The following AHRR variants were observed in gnomAD, a reference collection of about 807,000 sequenced individuals.
AHRR encodes ahR repressor.
A neutral mutation model predicts 44.0 loss-of-function variants in AHRR; 28 were observed. The observed-to-expected ratio is 0.64, with a 90% CI of 0.47 to 0.87. The LOEUF (loss-of-function observed/expected upper bound fraction) is 0.87. AHRR is among the 40% of genes least tolerant of loss of function. The pLI is 0.00. For synonymous variants in AHRR, 434 were observed against 407.0 expected (o/e 1.07, Z -0.80); for missense variants, 990 against 953.9 (o/e 1.04, Z -0.50).
chr5:423,009 TCCTCCCATGTC>T, intron 6 of AHRR, 151 bp downstream of exon 6: 2 of 1,084,830 alleles, frequency 1.8e-6, no homozygotes, highest in Non-Finnish European at 2.6e-6. Flanking sequence ...TTCAGAGGCC[TCCTCCCATGTC>T]CCTCCCTGTC....
chr5:422,397 G>A (rs1413709527), intron 5 of AHRR: 2 of 376,330 alleles, frequency 5.3e-6, no homozygotes, highest in Non-Finnish European at 1.0e-5. Context: ...GTCACAAAGA[G>A]TCCAAGTCGA....
intron 1 of AHRR, among the ~76,000 whole-genome samples, chr5:343,209 C>T (rs1483950868): frequency 1.3e-5 from 2 of 151,748 alleles, no homozygotes; most frequent in Admixed American, 6.6e-5. Flanking sequence ...TGAGTACCCT[C>T]TCAGAGGTGA....
At chr5:421,787 C>G (rs1455725731) in intron 5 of AHRR, among the ~76,000 whole-genome samples, 3 of 152,202 alleles carry the variant, frequency 2.0e-5, no homozygotes, top group African/African-American at 7.2e-5. Flanking sequence ...TCGGGGAGCC[C>G]CGCAGGTCCT....
intron 5 of AHRR, among the ~76,000 whole-genome samples, chr5:422,000 G>A (rs757609329): frequency 2.6e-5 from 4 of 152,178 alleles, no homozygotes; most frequent in Non-Finnish European, 5.9e-5. Flanking sequence ...TTAATTATTC[G>A]GGGCTGGCGG....
At chr5:347,209 T>C (rs1488818337) in intron 2 of AHRR, among the ~76,000 whole-genome samples, 1 of 152,260 alleles carries the variant, frequency 6.6e-6, no homozygotes, top group Non-Finnish European at 1.5e-5. Context: ...CGCCTTTTGC[T>C]CATTTTTCTA....
chr5:362,382 C>T (rs954552496), intron 3 of AHRR, among the ~76,000 whole-genome samples: 7 of 152,158 alleles, frequency 4.6e-5, no homozygotes, highest in African/African-American at 1.7e-4. Flanking sequence ...ATGGCAGGGC[C>T]GCAGGTCTGG....
intron 5 of AHRR, chr5:422,403 G>C (rs1736166993): frequency 5.2e-6 from 2 of 381,802 alleles, no homozygotes; most frequent in Non-Finnish European, 1.0e-5. Context: ...AAGAGTCCAA[G>C]TCGACAGGAA....
intron 1 of AHRR, among the ~76,000 whole-genome samples, chr5:334,316 T>C (rs1341175739): frequency 6.6e-6 from 1 of 152,172 alleles, no homozygotes; most frequent in African/African-American, 2.4e-5. Flanking sequence ...TCTAAGCCTC[T>C]CAATATCTCT....
rs1370681675 is a variant in AHRR, at chr5:411,978, C to A, written c.352-1366C>A. On this transcript the variant is annotated intron_variant, in intron 4 of 10. Coordinates refer to ENST00000684583, the MANE Select transcript of AHRR (RefSeq NM_001377236.1). The surrounding 1 kb of genome is among the most constrained non-coding windows in gnomAD (Gnocchi z 4.2). ...GCTGCCATGGACAGATCCTGCGACT[C>A]AGAGGCCACCGTCTTTCGCGCATCC... 6.6e-6 allele frequency among the ~76,000 whole-genome samples: 1 copy of A among 152,226 alleles called. No individual in the cohort carries two copies. The highest frequency in any genetic ancestry group is 1.5e-5 in the Non-Finnish European group (1 of 68,044).
At chr5:376,557 A>ATGTGAATGAATGAGAACCGTGGG in intron 3 of AHRR, 53 bp from the exon 4 acceptor site, 1 of 1,423,184 alleles carries the variant, frequency 7.0e-7, no homozygotes, top group South Asian at 1.4e-5. Flanking sequence ...AATGAAGAAG[A>ATGTGAATGAATGAGAACCGTGGG]GTGGCCAGGC....
At chr5:340,389 G>A (rs1471171143) in intron 1 of AHRR, among the ~76,000 whole-genome samples, 1 of 151,822 alleles carries the variant, frequency 6.6e-6, no homozygotes, top group Non-Finnish European at 1.5e-5. Flanking sequence ...AGGCTGGGAA[G>A]TCCAAGATCA....
intron 4 of AHRR, among the ~76,000 whole-genome samples, chr5:400,066 T>C (rs1734949335): frequency 1.3e-5 from 2 of 152,188 alleles, no homozygotes; most frequent in South Asian, 4.1e-4. Context: ...CTCGCGTGAC[T>C]AGCCGCCGTG....
At chr5:331,791 G>A (rs78503785) in intron 1 of AHRR, among the ~76,000 whole-genome samples, 14,397 of 152,128 alleles carry the variant, frequency 0.095, 966 homozygotes, top group Non-Finnish European at 0.13. Flanking sequence ...CTGTGCTTAC[G>A]AAGGATCTAG....
intron 8 of AHRR, chr5:432,121 A>G (rs1736758887): frequency 9.6e-6 from 3 of 313,268 alleles, no homozygotes; most frequent in South Asian, 9.0e-5. Flanking sequence ...AACTACCTGG[A>G]GTCATGAGAA....
Position 391,378 on chromosome 5 carries a change from G to A in AHRR, c.351+14662G>A, listed in dbSNP as rs1453608658. On this transcript the variant is annotated intron_variant, in intron 4 of 10. Transcript: ENST00000684583. ...AGGCAGGGCCAGAGCGTGCATGGGC[G>A]CAGGGCGAGGAGGGCGCAGGGCGAG... is the stretch of plus-strand genomic sequence containing the variant. Among the ~76,000 whole-genome samples the A allele has an allele frequency of 4.4e-3, 466 of 106,610 alleles. 8 individuals carry two copies. Among genetic ancestry groups the A allele is most frequent in the African/African-American group, 0.023 (385 of 17,032 alleles). The allele number at this position is 106,610 out of a possible 152,430, so 69.9% of individuals were successfully genotyped here. A position where few individuals can be genotyped will look rare whatever the true frequency, so the allele number is the denominator to read the frequency against.
chr5:392,903 C>A (rs559642611), intron 4 of AHRR, among the ~76,000 whole-genome samples: 28 of 152,104 alleles, frequency 1.8e-4, no homozygotes, highest in African/African-American at 6.5e-4. Context: ...GTTTCCTTCT[C>A]GGTGTAGGTG....
intron 2 of AHRR, 136 bp downstream of exon 2, chr5:344,100 C>T (rs998472708): frequency 1.0e-6 from 1 of 952,640 alleles, no homozygotes; most frequent in South Asian, 1.6e-5. Flanking sequence ...CGGGGCTGAG[C>T]TCCGGCGCGG....
At chr5:347,286 A>G (rs1742711050) in intron 2 of AHRR, among the ~76,000 whole-genome samples, 1 of 152,170 alleles carries the variant, frequency 6.6e-6, no homozygotes, top group Non-Finnish European at 1.5e-5. Context: ...TTAATTTTTG[A>G]ATGGGTTTCA....
chr5:402,433 G>A (rs1334726955), intron 4 of AHRR, among the ~76,000 whole-genome samples: 1 of 132,150 alleles, frequency 7.6e-6, no homozygotes, highest in East Asian at 2.1e-4. Flanking sequence ...GAGAGAAGGG[G>A]ACCCTCGTGC....
Sources: allele counts gnomAD v4.1 joint callset (sites outside exome capture counted in the v4.1 genomes callset), GRCh38; gene constraint gnomAD v4.1.1; non-coding constraint Gnocchi (gnomAD v3.1); transcripts MANE v1.5; gene names NCBI Gene and HGNC (gene_info 2026-07-23, HGNC 2026-07-21).